Variants in ADGRD1 observed in about 807,000 individuals in gnomAD.
ADGRD1 encodes G-protein coupled receptor 133.
ADGRD1 carries 77 observed loss-of-function variants against 113.4 expected under a neutral mutation model. The observed-to-expected ratio is 0.68, with a 90% CI of 0.57 to 0.82. ADGRD1 has a LOEUF of 0.82. ADGRD1 is among the 40% of genes least tolerant of loss of function. The pLI is 0.00. For synonymous variants in ADGRD1, 474 were observed against 475.0 expected (o/e 1.00, Z 0.03); for missense variants, 1,036 against 1,139.1 (o/e 0.91, Z 1.30).
At chr12:131,006,287 G>T (rs530386304) in intron 12 of ADGRD1, among the ~76,000 whole-genome samples, 2 of 152,224 alleles carry the variant, frequency 1.3e-5, no homozygotes, top group Non-Finnish European at 2.9e-5. Context: ...CTACCCACCC[G>T]CCTGGACAGA....
At chr12:131,011,883 A>G (rs1877949664) in intron 12 of ADGRD1, among the ~76,000 whole-genome samples, 1 of 152,206 alleles carries the variant, frequency 6.6e-6, no homozygotes, top group Non-Finnish European at 1.5e-5. Flanking sequence ...CACACGTCTT[A>G]GGGCCTTGGA....
At position 131,111,080 on chromosome 12, in the gene ADGRD1, G is replaced by A. The variant is rs551783703; in HGVS notation, c.2041+2203G>A. On this transcript the variant is annotated intron_variant, in intron 18 of 24. Coordinates refer to ENST00000261654, the MANE Select transcript of ADGRD1 (RefSeq NM_198827.5). ...TTTTAACTCTGATGTGTCTGGGTGTGTATCTCATTGTGTTTACTTTTTTTT... is the reference window on the plus strand; with the variant it reads ...TTTTAACTCTGATGTGTCTGGGTGTATATCTCATTGTGTTTACTTTTTTTT... Among the ~76,000 whole-genome samples, 7 of 151,188 alleles carry A rather than the reference G, an allele frequency of 4.6e-5. No homozygotes were observed. The East Asian group carries it at 1.4e-3, about 29-fold the overall frequency.
chr12:131,088,185 A>AGCAGAGAAACTGAGCC (rs1269551012), intron 15 of ADGRD1, among the ~76,000 whole-genome samples: 1 of 151,126 alleles, frequency 6.6e-6, no homozygotes, highest in African/African-American at 2.5e-5. Flanking sequence ...TCGTCTTACC[A>AGCAGAGAAACTGAGCC]GCAGAGAAAC....
intron 15 of ADGRD1, among the ~76,000 whole-genome samples, chr12:131,100,035 T>G (rs1950033680): frequency 6.6e-6 from 1 of 152,014 alleles, no homozygotes. Flanking sequence ...TGGTTGAGGG[T>G]AGGATTGGCT....
At chr12:131,118,149 T>C (rs1331110443) in intron 18 of ADGRD1, among the ~76,000 whole-genome samples, 1 of 152,272 alleles carries the variant, frequency 6.6e-6, no homozygotes, top group Non-Finnish European at 1.5e-5. Context: ...CTTTGTTGTC[T>C]AGTACAGAAG....
intron 20 of ADGRD1, among the ~76,000 whole-genome samples, chr12:131,126,548 T>A (rs1346208392): frequency 6.6e-6 from 1 of 152,338 alleles, no homozygotes; most frequent in East Asian, 1.9e-4. Flanking sequence ...GGTGTCCAGC[T>A]CAGTGTTTAT....
At chr12:130,958,646 G>A (rs1593253576) in intron 2 of ADGRD1, among the ~76,000 whole-genome samples, 1 of 152,156 alleles carries the variant, frequency 6.6e-6, no homozygotes, top group African/African-American at 2.4e-5. Context: ...AGGCTCGCCT[G>A]CCCCCGGGCA....
intron 8 of ADGRD1, among the ~76,000 whole-genome samples, chr12:130,996,103 T>C (rs952379950): frequency 1.2e-4 from 18 of 152,162 alleles, no homozygotes; most frequent in Non-Finnish European, 2.2e-4. Flanking sequence ...GGTAAGGTCA[T>C]AGATCAACAG....
chr12:131,055,296 G>A (rs1883758889), intron 13 of ADGRD1, among the ~76,000 whole-genome samples: 1 of 152,074 alleles, frequency 6.6e-6, no homozygotes. Context: ...CGTGATCCTT[G>A]GCCATTGACA....
intron 23 of ADGRD1, 187 bp downstream of exon 23, chr12:131,137,201 C>G (rs1743162570): frequency 1.6e-6 from 1 of 626,852 alleles, no homozygotes; most frequent in Non-Finnish European, 2.8e-6. Flanking sequence ...CTCTCCCCGC[C>G]TAGTTGCTAA....
intron 13 of ADGRD1, among the ~76,000 whole-genome samples, chr12:131,059,624 C>G (rs1158430154): frequency 6.6e-6 from 1 of 152,216 alleles, no homozygotes; most frequent in East Asian, 1.9e-4. Context: ...TGAGCGCTGA[C>G]ATGACGCTCA....
intron 13 of ADGRD1, among the ~76,000 whole-genome samples, chr12:131,030,943 A>G (rs1267249294): frequency 6.6e-6 from 1 of 152,142 alleles, no homozygotes; most frequent in Non-Finnish European, 1.5e-5. Context: ...CCTCTGTCAC[A>G]ATGTGCAGTG....
chr12:131,082,107 T>C (rs1886114758), intron 14 of ADGRD1, among the ~76,000 whole-genome samples: 1 of 152,170 alleles, frequency 6.6e-6, no homozygotes, highest in Non-Finnish European at 1.5e-5. Flanking sequence ...TTTATATTTA[T>C]AATCATAGGA....
At position 130,984,144 on chromosome 12, in the gene ADGRD1, T is replaced by C. The variant is rs1319033334; in HGVS notation, c.490+2081T>C. ...CTCAGATGGGTTTTATGGTCCTATA[T>C]TGTGATTGCCTAGGCCAAGTTTGTA... On this transcript the variant is annotated intron_variant, in intron 5 of 24. Coordinates refer to ENST00000261654, the MANE Select transcript of ADGRD1 (RefSeq NM_198827.5). This position sits in a 1 kb window ranked among gnomAD's most constrained non-coding sequence, Gnocchi z 4.1. Among the ~76,000 whole-genome samples the C allele has an allele frequency of 6.6e-6, 1 of 152,218 alleles. No homozygotes were observed. Among genetic ancestry groups the C allele is most frequent in the African/African-American group, 2.4e-5 (1 of 41,466 alleles).
chr12:131,011,941 G>T (rs1214863085), intron 12 of ADGRD1, among the ~76,000 whole-genome samples: 1 of 152,298 alleles, frequency 6.6e-6, no homozygotes, highest in Non-Finnish European at 1.5e-5. Flanking sequence ...GTCAGGCTGG[G>T]CGCCGCGGGG....
chr12:131,131,007 A>G lies in ADGRD1; in HGVS notation c.2176-718A>G, dbSNP rs73470810. On this transcript the variant is annotated intron_variant, in intron 20 of 24. Coordinates refer to ENST00000261654, the MANE Select transcript of ADGRD1 (RefSeq NM_198827.5). Reference sequence around the variant, plus strand: ...ACGGCCTCAGAATTTTTCAGACACAAGGGAGAAGGCTAACCCTCACCCTAA... The same window carrying G: ...ACGGCCTCAGAATTTTTCAGACACAGGGGAGAAGGCTAACCCTCACCCTAA... 3.9e-3 allele frequency among the ~76,000 whole-genome samples: 601 copies of G among 152,326 alleles called. 5 individuals carry two copies. Among genetic ancestry groups the G allele is most frequent in the African/African-American group, 0.014 (573 of 41,574 alleles).
intron 13 of ADGRD1, among the ~76,000 whole-genome samples, chr12:131,051,097 G>A (rs1883342558): frequency 6.6e-6 from 1 of 152,340 alleles, no homozygotes; most frequent in Middle Eastern, 3.4e-3. Flanking sequence ...GGGGATTATA[G>A]TTCAACATGA....
At chr12:131,047,939 C>T (rs1883004123) in intron 13 of ADGRD1, among the ~76,000 whole-genome samples, 1 of 152,222 alleles carries the variant, frequency 6.6e-6, no homozygotes, top group Admixed American at 6.5e-5. Context: ...CCTTCTCCTC[C>T]AAGCCCAGGA....
chr12:131,071,092 A>G (rs376725041), intron 13 of ADGRD1, among the ~76,000 whole-genome samples: 31 of 76,918 alleles, frequency 4.0e-4, no homozygotes, highest in East Asian at 1.8e-3. Context: ...AAGGAGGTGG[A>G]GCCATGTACA....
Sources: allele counts gnomAD v4.1 joint callset (sites outside exome capture counted in the v4.1 genomes callset), GRCh38; gene constraint gnomAD v4.1.1; non-coding constraint Gnocchi (gnomAD v3.1); transcripts MANE v1.5; gene names NCBI Gene and HGNC (gene_info 2026-07-23, HGNC 2026-07-21).